Variants in PALLD observed in about 807,000 individuals in gnomAD.
PALLD encodes the protein palladin.
A neutral mutation model predicts 123.5 loss-of-function variants in PALLD; 61 were observed. That is an observed-to-expected ratio of 0.49 (90% CI 0.40 to 0.61). PALLD has a LOEUF of 0.61. Among genes scored for constraint, PALLD ranks in the 20% least tolerant of loss-of-function variants. PALLD has a pLI of 0.00. For missense variants in PALLD, 1,273 were observed against 1,377.0 expected, an observed-to-expected ratio of 0.92 and a Z score of 1.20; for synonymous variants, 465 against 496.4, an observed-to-expected ratio of 0.94 and a Z score of 0.84.
intron 8 of PALLD, among the ~76,000 whole-genome samples, chr4:168,706,439 A>G (rs942713735): frequency 6.6e-6 from 1 of 152,192 alleles, no homozygotes. Flanking sequence ...GCAATTTTAA[A>G]CCTGTATTAA....
rs140306601 is a variant in PALLD, at chr4:168,568,526, T to C, written c.908+56114T>C. Among the ~76,000 whole-genome samples the C allele has an allele frequency of 1.1e-4, 16 of 152,228 alleles. No homozygotes were observed. In the East Asian group the frequency reaches 3.1e-3, roughly 29 times the overall value. On this transcript the variant is annotated intron_variant, in intron 2 of 21. Coordinates refer to ENST00000505667, the MANE Select transcript of PALLD (RefSeq NM_001166108.2). ...CTAAATGCAAAAAGAAAAACATCTG[T>C]CTTTAAATTTTTTTAAACCCTGCCT...
At chr4:168,589,599 C>T (rs1023256053) in intron 2 of PALLD, among the ~76,000 whole-genome samples, 1 of 137,068 alleles carries the variant, frequency 7.3e-6, no homozygotes, top group Non-Finnish European at 1.7e-5. Context: ...TTTGAAAGCT[C>T]AAGAAGGGGG....
intron 2 of PALLD, among the ~76,000 whole-genome samples, chr4:168,543,927 T>A (rs1332175311): frequency 1.3e-5 from 2 of 152,248 alleles, no homozygotes; most frequent in Non-Finnish European, 2.9e-5. Flanking sequence ...ATGAATTTGG[T>A]GTATTTGTGT....
At chr4:168,843,665 T>C (rs139811593) in intron 10 of PALLD, among the ~76,000 whole-genome samples, 137 of 152,262 alleles carry the variant, frequency 9.0e-4, no homozygotes, top group African/African-American at 3.2e-3. Context: ...TTTGGAGACA[T>C]AGACATGGTG....
intron 2 of PALLD, among the ~76,000 whole-genome samples, chr4:168,515,885 T>G (rs1019408221): frequency 1.3e-5 from 2 of 152,108 alleles, no homozygotes; most frequent in Admixed American, 6.5e-5. Context: ...CAACAGAGAT[T>G]GTTTGCTTTT....
intron 10 of PALLD, among the ~76,000 whole-genome samples, chr4:168,763,702 A>G (rs948828380): frequency 5.3e-5 from 8 of 152,188 alleles, no homozygotes; most frequent in African/African-American, 1.9e-4. Flanking sequence ...TCTGGGATAG[A>G]GACAGCATGA....
At chr4:168,923,327 C>G (rs1761952401) in intron 18 of PALLD, among the ~76,000 whole-genome samples, 1 of 152,198 alleles carries the variant, frequency 6.6e-6, no homozygotes, top group Non-Finnish European at 1.5e-5. Context: ...GTAGAATTTT[C>G]ATCCTTTTTG....
intron 2 of PALLD, among the ~76,000 whole-genome samples, chr4:168,665,885 T>C (rs765978038): frequency 2.0e-5 from 3 of 152,060 alleles, no homozygotes; most frequent in Non-Finnish European, 2.9e-5. Context: ...CCATATAATA[T>C]GTTGCAACTA....
chr4:168,618,585 G>C (rs1774451472), intron 2 of PALLD, among the ~76,000 whole-genome samples: 1 of 152,146 alleles, frequency 6.6e-6, no homozygotes, highest in South Asian at 2.1e-4. Flanking sequence ...TGTACAAAAG[G>C]CAAGTGCTTT....
At chr4:168,859,729 G>T (rs931634781) in intron 10 of PALLD, among the ~76,000 whole-genome samples, 3 of 152,170 alleles carry the variant, frequency 2.0e-5, no homozygotes, top group African/African-American at 7.2e-5. Context: ...TGTGAGAAGT[G>T]AGGGAACTTT....
At chr4:168,746,190 G>T (rs1052534786) in intron 10 of PALLD, among the ~76,000 whole-genome samples, 1 of 151,556 alleles carries the variant, frequency 6.6e-6, no homozygotes, top group East Asian at 1.9e-4. Context: ...ATAGATATGT[G>T]AATTCTATAA....
chr4:168,867,122 G>T (rs1248199287), intron 10 of PALLD, among the ~76,000 whole-genome samples: 1 of 152,128 alleles, frequency 6.6e-6, no homozygotes, highest in Non-Finnish European at 1.5e-5. Flanking sequence ...ATATATCTTT[G>T]TGCCTCAATT....
At chr4:168,504,545 G>A (rs1332741388) in intron 1 of PALLD, among the ~76,000 whole-genome samples, 1 of 148,414 alleles carries the variant, frequency 6.7e-6, no homozygotes. Context: ...AGTGAACTGA[G>A]ATCATGCCAC....
In PALLD at chr4:168,512,117, C is replaced by A. The variant is rs773747874; in HGVS notation, c.613C>A (p.Leu205Met). The A allele has an allele frequency of 4.3e-6, 7 of 1,614,090 alleles. No individual in the cohort carries two copies. The South Asian group carries it at 6.6e-5, about 15-fold the overall frequency. ...GESSSPDSGY[L>M]SPKNQPSALL... ...GTCCTCGTCACCAGACAGTGGGTAC[C>A]TGTCTCCTAAAAATCAGCCGTCAGC... is the stretch of plus-strand genomic sequence containing the variant. Residue 205 changes from leucine (L) to methionine (M), a missense_variant, in exon 2 of 22, where the codon CTG becomes ATG. Leu to Met is a conservative substitution (Grantham distance 15, BLOSUM62 2). Coordinates refer to ENST00000505667, the MANE Select transcript of PALLD (RefSeq NM_001166108.2).
intron 8 of PALLD, among the ~76,000 whole-genome samples, chr4:168,702,445 T>G (rs1032912782): frequency 6.6e-6 from 1 of 152,078 alleles, no homozygotes; most frequent in African/African-American, 2.4e-5. Context: ...TTCCAGCTAC[T>G]TGGGAGGCTG....
intron 1 of PALLD, among the ~76,000 whole-genome samples, chr4:168,507,203 T>C (rs1762092973): frequency 6.6e-6 from 1 of 152,234 alleles, no homozygotes; most frequent in Non-Finnish European, 1.5e-5. Context: ...CCTCCACTTG[T>C]AGCATGTAAG....
intron 10 of PALLD, among the ~76,000 whole-genome samples, chr4:168,771,428 G>A (rs990024483): frequency 1.3e-5 from 2 of 152,168 alleles, no homozygotes; most frequent in African/African-American, 4.8e-5. Context: ...TCAGGAACGG[G>A]CTGCAACAAG....
At chr4:168,694,090 A>G (rs1782907954) in intron 8 of PALLD, among the ~76,000 whole-genome samples, 1 of 152,246 alleles carries the variant, frequency 6.6e-6, no homozygotes, top group South Asian at 2.1e-4. Flanking sequence ...AGAGGAAAAA[A>G]CAAAAAATAA....
chr4:168,737,194 A>G (rs1581211147), intron 10 of PALLD, among the ~76,000 whole-genome samples: 1 of 152,266 alleles, frequency 6.6e-6, no homozygotes, highest in Admixed American at 6.5e-5. Context: ...GGGCACGTTT[A>G]TCAAGTCTTC....
Sources: gnomAD v4.1 joint callset for allele counts (sites outside exome capture counted in the v4.1 genomes callset) on GRCh38, gnomAD v4.1.1 for gene constraint, MANE v1.5 for transcripts, NCBI Gene and HGNC (gene_info 2026-07-23, HGNC 2026-07-21) for gene names.